The following TMEM132C variants were observed in gnomAD, a reference collection of about 807,000 sequenced individuals.
TMEM132C encodes transmembrane protein 132C.
TMEM132C carries 29 observed loss-of-function variants against 61.4 expected under a neutral mutation model. That is an observed-to-expected ratio of 0.47 (90% CI 0.35 to 0.64). TMEM132C has a LOEUF of 0.64. Ranked by LOEUF, TMEM132C falls within the 30% of genes least tolerant of loss-of-function variation. The pLI, the probability that TMEM132C is intolerant of heterozygous loss-of-function variation, is 0.00. For synonymous variants in TMEM132C, 656 were observed against 633.1 expected (o/e 1.04, Z -0.54); for missense variants, 1,408 against 1,476.9 (o/e 0.95, Z 0.76).
chr12:128,445,377 C>G (rs1218721079), intron 2 of TMEM132C, among the ~76,000 whole-genome samples: 3 of 152,162 alleles, frequency 2.0e-5, no homozygotes, highest in Non-Finnish European at 4.4e-5. Flanking sequence ...TGGTTGTGTA[C>G]TCTTAGCTTG....
chr12:128,377,383 T>G (rs562498173), intron 1 of TMEM132C, among the ~76,000 whole-genome samples: 1 of 152,178 alleles, frequency 6.6e-6, no homozygotes, highest in African/African-American at 2.4e-5. Context: ...TACTTTTGAC[T>G]CTGTTTTTGC....
intron 1 of TMEM132C, among the ~76,000 whole-genome samples, chr12:128,363,662 T>C (rs1873772933): frequency 6.6e-6 from 1 of 151,848 alleles, no homozygotes; most frequent in African/African-American, 2.4e-5. Context: ...CTGGCCAACA[T>C]AATGAAACCC....
rs1286938551 is a variant in TMEM132C at position 128,340,741 on chromosome 12, CTTTT to C, written c.85+73258_85+73261del. ...TCTTCCTTCCTTCCTTCCTTCCTTT[CTTTT>C]TTTCTTTTTCTTTCTTTCTTTCTAT... On this transcript the variant is annotated intron_variant, in intron 1 of 8. Coordinates refer to ENST00000435159, the MANE Select transcript of TMEM132C (RefSeq NM_001136103.3). Among the ~76,000 whole-genome samples the C allele has an allele frequency of 3.4e-5, 5 of 149,072 alleles. No individual in the cohort carries two copies. In the East Asian group the frequency reaches 5.9e-4, roughly 17 times the overall value.
At chr12:128,604,750 A>T (rs1172624673) in intron 3 of TMEM132C, among the ~76,000 whole-genome samples, 2 of 151,336 alleles carry the variant, frequency 1.3e-5, no homozygotes, top group East Asian at 3.9e-4. Flanking sequence ...GGATGGAGGG[A>T]TAGATAATAA....
intron 1 of TMEM132C, among the ~76,000 whole-genome samples, chr12:128,358,478 TG>T (rs972092360): frequency 1.1e-4 from 16 of 144,504 alleles, no homozygotes; most frequent in African/African-American, 3.9e-4. Context: ...GAAGATGCCA[TG>T]ACCACTTTTA....
intron 2 of TMEM132C, among the ~76,000 whole-genome samples, chr12:128,420,101 C>T (rs1320995239): frequency 6.6e-6 from 1 of 152,000 alleles, no homozygotes; most frequent in Non-Finnish European, 1.5e-5. Context: ...GAGGCTGAGG[C>T]AGGAGAATGG....
intron 1 of TMEM132C, among the ~76,000 whole-genome samples, chr12:128,335,639 A>G (rs760219070): frequency 1.3e-5 from 2 of 152,236 alleles, no homozygotes; most frequent in Non-Finnish European, 2.9e-5. Context: ...GAGGAAAGTT[A>G]AACTAAAACA....
chr12:128,520,643 T>C (rs1872876752), intron 2 of TMEM132C, among the ~76,000 whole-genome samples: 1 of 152,224 alleles, frequency 6.6e-6, no homozygotes, highest in Admixed American at 6.5e-5. Flanking sequence ...ATCTGTGGAC[T>C]CTACCCACTA....
At chr12:128,286,060 T>TCCC in intron 1 of TMEM132C, among the ~76,000 whole-genome samples, 3 of 136,998 alleles carry the variant, frequency 2.2e-5, no homozygotes, top group Non-Finnish European at 4.7e-5. Context: ...CCTCTCTCCC[T>TCCC]TCCTCTCTCT....
intron 1 of TMEM132C, among the ~76,000 whole-genome samples, chr12:128,401,813 T>C (rs944293658): frequency 6.6e-6 from 1 of 152,208 alleles, no homozygotes; most frequent in Non-Finnish European, 1.5e-5. Context: ...TCTCGTGCTG[T>C]GCAGAAAACC....
intron 2 of TMEM132C, among the ~76,000 whole-genome samples, chr12:128,527,291 C>G (rs1375946044): frequency 6.6e-6 from 1 of 152,170 alleles, no homozygotes; most frequent in Non-Finnish European, 1.5e-5. Context: ...CCACCCCCAG[C>G]CAGGAGTCCG....
intron 3 of TMEM132C, among the ~76,000 whole-genome samples, chr12:128,550,771 T>C (rs1490374039): frequency 6.6e-6 from 1 of 152,224 alleles, no homozygotes; most frequent in Admixed American, 6.5e-5. Context: ...TCTGTAATCA[T>C]GGGGTTGGCT....
At chr12:128,651,059 C>T (rs770550010) in intron 4 of TMEM132C, among the ~76,000 whole-genome samples, 2 of 152,196 alleles carry the variant, frequency 1.3e-5, no homozygotes, top group African/African-American at 2.4e-5. Flanking sequence ...TCCTGAGCCT[C>T]GCCCAGATTT....
intron 1 of TMEM132C, among the ~76,000 whole-genome samples, chr12:128,267,778 C>T (rs1260185267): frequency 3.9e-5 from 6 of 152,156 alleles, no homozygotes; most frequent in African/African-American, 1.4e-4. Context: ...GGCTGAGGGA[C>T]ACGGTGTTTG....
At chr12:128,667,074 T>A (rs1954485230) in intron 4 of TMEM132C, among the ~76,000 whole-genome samples, 1 of 152,144 alleles carries the variant, frequency 6.6e-6, no homozygotes, top group Admixed American at 6.5e-5. Flanking sequence ...CGTCTCAAAA[T>A]ATATATAGAT....
chr12:128,667,981 A>G (rs1954495612), intron 4 of TMEM132C, among the ~76,000 whole-genome samples: 1 of 152,218 alleles, frequency 6.6e-6, no homozygotes, highest in Admixed American at 6.5e-5. Flanking sequence ...CATTTTTTAA[A>G]AAATGAAGGT....
intron 4 of TMEM132C, among the ~76,000 whole-genome samples, chr12:128,664,101 C>T (rs1186820906): frequency 1.4e-5 from 2 of 147,684 alleles, no homozygotes; most frequent in African/African-American, 5.1e-5. Context: ...CACGCACGCA[C>T]ACAGGCACAC....
At chr12:128,343,945 TTTG>T (rs1873063074) in intron 1 of TMEM132C, among the ~76,000 whole-genome samples, 1 of 152,198 alleles carries the variant, frequency 6.6e-6, no homozygotes, top group Admixed American at 6.5e-5. Context: ...AGCGTGAGGT[TTTG>T]TTGTTCATTG....
intron 6 of TMEM132C, 97 bp downstream of exon 6, chr12:128,694,131 T>C (rs1360015643): frequency 7.5e-7 from 1 of 1,338,732 alleles, no homozygotes; most frequent in Non-Finnish European, 1.0e-6. Flanking sequence ...ATGCTGGTAT[T>C]GTCTCAGCAG....
Sources: gnomAD v4.1 joint callset for allele counts (sites outside exome capture counted in the v4.1 genomes callset) on GRCh38, gnomAD v4.1.1 for gene constraint, MANE v1.5 for transcripts, NCBI Gene and HGNC (gene_info 2026-07-23, HGNC 2026-07-21) for gene names.